Variants in AGMO observed in about 807,000 individuals in gnomAD.
AGMO encodes glyceryl-ether monooxygenase.
Under a neutral mutation model 60.2 loss-of-function variants are expected in AGMO, and 75 were observed. That is an observed-to-expected ratio of 1.25 (90% confidence interval 1.03 to 1.51). The LOEUF (loss-of-function observed/expected upper bound fraction) is 1.51. Ranked by LOEUF, AGMO falls within the 40% of genes most tolerant of loss-of-function variation. The pLI is 0.00. For missense variants in AGMO, 763 were observed against 525.5 expected (o/e 1.45, Z -4.42); for synonymous variants, 261 against 177.1 (o/e 1.47, Z -3.76).
At chr7:15,328,360 G>A (rs1400504491) in intron 12 of AGMO, among the ~76,000 whole-genome samples, 2 of 152,156 alleles carry the variant, frequency 1.3e-5, no homozygotes, top group African/African-American at 4.8e-5. Context: ...GCCTCTCAAA[G>A]TGCTGGGATT....
chr7:15,355,149 C>A (rs1782474417), intron 12 of AGMO, among the ~76,000 whole-genome samples: 1 of 151,950 alleles, frequency 6.6e-6, no homozygotes. Context: ...CTCCCCTATA[C>A]AAGAATAGAG....
rs898510630 is a variant in AGMO at position 15,551,162 on chromosome 7, G to A, written c.258-6239C>T. Reference sequence around the variant, plus strand: ...TCAATAAATTAGATATTGATGGGACGTATTTCAAAATAATAAGAGCTATCT... The same window carrying A: ...TCAATAAATTAGATATTGATGGGACATATTTCAAAATAATAAGAGCTATCT... On this transcript the variant is annotated intron_variant, in intron 2 of 12. Coordinates refer to ENST00000342526, the MANE Select transcript of AGMO (RefSeq NM_001004320.2). 2.3e-3 allele frequency among the ~76,000 whole-genome samples: 352 copies of A among 152,188 alleles called. 1 individual carries two copies. The highest frequency in any genetic ancestry group is 7.9e-3 in the African/African-American group (327 of 41,496).
chr7:15,452,199 T>C (rs1406635732), intron 3 of AGMO, among the ~76,000 whole-genome samples: 1 of 151,996 alleles, frequency 6.6e-6, no homozygotes, highest in African/African-American at 2.4e-5. Context: ...TTGGATATGA[T>C]ACCAGAAGGC....
At chr7:15,380,178 G>C (rs1431226072) in intron 10 of AGMO, among the ~76,000 whole-genome samples, 2 of 152,060 alleles carry the variant, frequency 1.3e-5, no homozygotes, top group East Asian at 3.9e-4. Context: ...TCAGGCAAGA[G>C]AAAGAAACAA....
chr7:15,353,420 C>T (rs979864336), intron 12 of AGMO, among the ~76,000 whole-genome samples: 6 of 152,166 alleles, frequency 3.9e-5, no homozygotes, highest in Middle Eastern at 3.4e-3. Flanking sequence ...AATTCCTAGG[C>T]TTATGATGTT....
chr7:15,285,579 A>T (rs1344228678), intron 12 of AGMO, among the ~76,000 whole-genome samples: 1 of 152,060 alleles, frequency 6.6e-6, no homozygotes, highest in Non-Finnish European at 1.5e-5. Flanking sequence ...CAGATGACAC[A>T]AACAAATGGA....
Position 15,201,342 on chromosome 7 carries a change from G to T in AGMO, c.1281C>A (p.Cys427Ter). 1 of 1,611,496 alleles carries T rather than the reference G, an allele frequency of 6.2e-7. No homozygotes were observed. The highest frequency in any genetic ancestry group is 1.1e-5 in the South Asian group (1 of 90,738). The change falls in exon 13 of 13, where the codon TGC becomes TGA. Residue 427 changes from cysteine (C) to a stop codon, truncating the protein, a stop_gained. Coordinates refer to ENST00000342526, the MANE Select transcript of AGMO (RefSeq NM_001004320.2). LOFTEE classifies it high-confidence loss of function. ...TGCTTCTAACTCCCCAGAAAGCAAT[G>T]CAAATGGAAAAAACAATCTGAAGAA... ...SSAFEIVFSICIAFWGVRSMK... is the reference protein window; with the variant it reads ...SSAFEIVFSI
At chr7:15,309,651 A>G (rs969392268) in intron 12 of AGMO, among the ~76,000 whole-genome samples, 1 of 152,132 alleles carries the variant, frequency 6.6e-6, no homozygotes, top group African/African-American at 2.4e-5. Context: ...AGGTGCATAT[A>G]TATGTATGTG....
intron 6 of AGMO, among the ~76,000 whole-genome samples, chr7:15,392,307 C>T (rs1186831091): frequency 7.9e-6 from 1 of 127,308 alleles, no homozygotes; most frequent in Non-Finnish European, 1.7e-5. Flanking sequence ...ATCTCCTGAC[C>T]TCGTGATCCG....
At chr7:15,394,513 G>A (rs574948076) in intron 5 of AGMO, among the ~76,000 whole-genome samples, 2 of 152,216 alleles carry the variant, frequency 1.3e-5, no homozygotes, top group South Asian at 4.1e-4. Flanking sequence ...CTTTAAAATG[G>A]AAATAGTAAC....
At chr7:15,330,111 A>G (rs796603395) in intron 12 of AGMO, among the ~76,000 whole-genome samples, 7 of 152,144 alleles carry the variant, frequency 4.6e-5, no homozygotes, top group African/African-American at 1.4e-4. Flanking sequence ...TGATTTCTTA[A>G]AAGTTTTTGA....
At chr7:15,256,607 C>T (rs1415652037) in intron 12 of AGMO, among the ~76,000 whole-genome samples, 2 of 152,094 alleles carry the variant, frequency 1.3e-5, no homozygotes, top group South Asian at 4.1e-4. Flanking sequence ...CGTGTTCCAC[C>T]CACCTCGGCC....
chr7:15,436,115 A>G (rs1562506305), intron 3 of AGMO, among the ~76,000 whole-genome samples: 3 of 152,198 alleles, frequency 2.0e-5, no homozygotes, highest in African/African-American at 7.2e-5. Flanking sequence ...GCAAAATGGT[A>G]GTGATGCTTG....
chr7:15,226,406 C>A (rs1001399600), intron 12 of AGMO, among the ~76,000 whole-genome samples: 1 of 152,054 alleles, frequency 6.6e-6, no homozygotes, highest in African/African-American at 2.4e-5. Context: ...ATTTTTCTGA[C>A]ACCAGTTCTG....
At chr7:15,382,761 T>G (rs1223546134) in intron 10 of AGMO, among the ~76,000 whole-genome samples, 1 of 152,090 alleles carries the variant, frequency 6.6e-6, no homozygotes, top group Non-Finnish European at 1.5e-5. Flanking sequence ...GAATATTCTG[T>G]TTTTTTAGAG....
the AGMO span, among the ~76,000 whole-genome samples, chr7:15,187,459 C>T: frequency 6.6e-6 from 1 of 152,218 alleles, no homozygotes; most frequent in Non-Finnish European, 1.5e-5. Flanking sequence ...TCTTGGGCAG[C>T]ATCTGTATTT....
intron 12 of AGMO, among the ~76,000 whole-genome samples, chr7:15,254,895 C>T (rs1171305248): frequency 6.6e-6 from 1 of 151,970 alleles, no homozygotes; most frequent in Admixed American, 6.5e-5. Context: ...CTCCTCGACA[C>T]CTACCATAAT....
chr7:15,191,078 C>T, the AGMO span, among the ~76,000 whole-genome samples: 1 of 152,026 alleles, frequency 6.6e-6, no homozygotes, highest in Admixed American at 6.6e-5. Context: ...ACAATTAAGG[C>T]ATTTCTTTGG....
chr7:15,448,076 G>A (rs1339723069), intron 3 of AGMO, among the ~76,000 whole-genome samples: 1 of 152,012 alleles, frequency 6.6e-6, no homozygotes, highest in Non-Finnish European at 1.5e-5. Context: ...ATTTGACTTT[G>A]GTCTTATTAA....
Sources: allele counts gnomAD v4.1 joint callset (sites outside exome capture counted in the v4.1 genomes callset), GRCh38; gene constraint gnomAD v4.1.1; transcripts MANE v1.5; gene names NCBI Gene and HGNC (gene_info 2026-07-23, HGNC 2026-07-21).